Variants in TRDN observed in about 807,000 individuals in gnomAD.
The protein encoded by TRDN is triadin in skeletal muscle.
In TRDN, 161 loss-of-function variants were observed where a neutral mutation model predicts 149.7. The observed-to-expected ratio is 1.08, with a 90% CI of 0.95 to 1.23. The LOEUF is 1.23. Ranked by LOEUF, TRDN falls within the 50% of genes most tolerant of loss-of-function variation. The pLI is 0.00. For synonymous variants in TRDN, 294 were observed against 250.5 expected, an observed-to-expected ratio of 1.17 and a Z score of -1.64; for missense variants, 896 against 823.5, an observed-to-expected ratio of 1.09 and a Z score of -1.08.
intron 24 of TRDN, among the ~76,000 whole-genome samples, chr6:123,289,411 T>C (rs1247078865): frequency 6.6e-6 from 1 of 151,990 alleles, no homozygotes; most frequent in African/African-American, 2.4e-5. Context: ...TAGTAATCTA[T>C]TGTTCTCATG....
At chr6:123,434,814 A>AT in intron 12 of TRDN, among the ~76,000 whole-genome samples, 1 of 151,906 alleles carries the variant, frequency 6.6e-6, no homozygotes, top group South Asian at 2.1e-4. Flanking sequence ...TATTTATTTA[A>AT]TTTTTTGCCA....
At chr6:123,460,616 T>A (rs1776394067) in intron 10 of TRDN, among the ~76,000 whole-genome samples, 1 of 152,062 alleles carries the variant, frequency 6.6e-6, no homozygotes, top group South Asian at 2.1e-4. Flanking sequence ...AAATAAAAAT[T>A]GAGGCCAAAT....
At chr6:123,223,186 A>G (rs1178143080) in intron 39 of TRDN, among the ~76,000 whole-genome samples, 2 of 151,778 alleles carry the variant, frequency 1.3e-5, no homozygotes, top group African/African-American at 4.8e-5. Context: ...CTAATGCAGG[A>G]ACAGAAATCC....
intron 1 of TRDN, among the ~76,000 whole-genome samples, chr6:123,626,902 T>TAA (rs35863079): frequency 1.3e-5 from 2 of 151,234 alleles, no homozygotes; most frequent in African/African-American, 4.9e-5. Context: ...ATGTTTTTTT[T>TAA]AATTTTTTAT....
At chr6:123,310,559 T>C (rs1186720529) in intron 24 of TRDN, among the ~76,000 whole-genome samples, 4 of 151,894 alleles carry the variant, frequency 2.6e-5, no homozygotes, top group African/African-American at 9.7e-5. Flanking sequence ...GAAGAAAAAA[T>C]GAAGTCATTA....
intron 1 of TRDN, among the ~76,000 whole-genome samples, chr6:123,601,550 C>A (rs887639215): frequency 2.0e-5 from 3 of 152,080 alleles, no homozygotes; most frequent in African/African-American, 4.8e-5. Flanking sequence ...CTCCACATGC[C>A]CCATTGGTGC....
At chr6:123,388,685 T>C in intron 13 of TRDN, 134 bp from the exon 14 acceptor site, 9 of 922,110 alleles carry the variant, frequency 9.8e-6, no homozygotes, top group Non-Finnish European at 1.5e-5. Flanking sequence ...TCCAAATCTA[T>C]GATAGGAGTG....
intron 24 of TRDN, among the ~76,000 whole-genome samples, chr6:123,297,956 C>T (rs909462497): frequency 1.3e-4 from 20 of 152,004 alleles, no homozygotes; most frequent in Non-Finnish European, 2.9e-4. Context: ...CTCTTCCAAC[C>T]AGAAGGTTAG....
At chr6:123,530,367 CTG>C (rs1583196884) in intron 5 of TRDN, 137 bp downstream of exon 5, 4 of 166,340 alleles carry the variant, frequency 2.4e-5, no homozygotes, top group Admixed American at 1.4e-4. Flanking sequence ...ACATTTATAA[CTG>C]AAATTAACTG....
At position 123,603,617 on chromosome 6, in the gene TRDN, T is replaced by C. The variant is rs574690448; in HGVS notation, c.23-32485A>G. ...TTACTATGTTCCAGACATTGTTTCATGTTATGATAATGAAAAAGACGGACC... is the reference window on the plus strand; with the variant it reads ...TTACTATGTTCCAGACATTGTTTCACGTTATGATAATGAAAAAGACGGACC... On this transcript the variant is annotated intron_variant, in intron 1 of 40. Transcript: ENST00000334268. Among the ~76,000 whole-genome samples, 4 of 152,286 alleles carry C rather than the reference T, an allele frequency of 2.6e-5. No homozygotes were observed. The South Asian group carries it at 8.3e-4, about 32-fold the overall frequency.
intron 9 of TRDN, among the ~76,000 whole-genome samples, chr6:123,476,283 A>G (rs1170477574): frequency 2.4e-5 from 1 of 42,384 alleles, no homozygotes; most frequent in African/African-American, 8.6e-5. Context: ...ACAGAGAGCC[A>G]AATCATGAGT....
At chr6:123,426,344 T>C (rs1774118469) in intron 12 of TRDN, among the ~76,000 whole-genome samples, 1 of 152,142 alleles carries the variant, frequency 6.6e-6, no homozygotes, top group South Asian at 2.1e-4. Context: ...GAGTGAACTA[T>C]TAGGATTCTA....
chr6:123,539,814 T>C (rs904024726), intron 4 of TRDN, among the ~76,000 whole-genome samples: 2 of 152,206 alleles, frequency 1.3e-5, no homozygotes, highest in Non-Finnish European at 2.9e-5. Context: ...TTTGACTGTC[T>C]AACTCACTGG....
At chr6:123,445,311 A>G (rs1174056165) in intron 10 of TRDN, 1 of 150,544 alleles carries the variant, frequency 6.6e-6, no homozygotes, top group Non-Finnish European at 1.5e-5. Flanking sequence ...ATTACCATTC[A>G]GGACATAGGC....
At chr6:123,562,837 C>T (rs1264404921) in intron 2 of TRDN, among the ~76,000 whole-genome samples, 2 of 152,182 alleles carry the variant, frequency 1.3e-5, no homozygotes, top group Non-Finnish European at 2.9e-5. Context: ...TTTAAAAGCA[C>T]TTTTGGTGAG....
At position 123,311,928 on chromosome 6, in the gene TRDN, T is replaced by C. The variant is rs1204840908; in HGVS notation, c.1510+4529A>G. On this transcript the variant is annotated intron_variant, in intron 24 of 40. Transcript: ENST00000334268. ...AGGTGGGAGGTGAAGGATTTCAACATTCAGGTCTTGGAGAAATTAAAGCAC... is the reference window on the plus strand; with the variant it reads ...AGGTGGGAGGTGAAGGATTTCAACACTCAGGTCTTGGAGAAATTAAAGCAC... Among the ~76,000 whole-genome samples, 14 of 152,062 alleles carry C rather than the reference T, an allele frequency of 9.2e-5. No individual in the cohort carries two copies. The South Asian group carries it at 2.9e-3, about 32-fold the overall frequency.
intron 35 of TRDN, among the ~76,000 whole-genome samples, chr6:123,257,569 G>T (rs910907704): frequency 1.1e-4 from 17 of 152,164 alleles, no homozygotes; most frequent in African/African-American, 4.1e-4. Context: ...TTTGGAGTCA[G>T]GTAGTGTGAT....
intron 38 of TRDN, among the ~76,000 whole-genome samples, chr6:123,242,437 ATTAT>A (rs1201801457): frequency 6.6e-6 from 1 of 152,136 alleles, no homozygotes; most frequent in Non-Finnish European, 1.5e-5. Context: ...TGAGAAGCAC[ATTAT>A]TTATCATATA....
chr6:123,434,710 A>G (rs898617983), intron 12 of TRDN, among the ~76,000 whole-genome samples: 1 of 152,052 alleles, frequency 6.6e-6, no homozygotes, highest in African/African-American at 2.4e-5. Context: ...TGCTTTTTTC[A>G]TGGTATTTCT....
Sources: gnomAD v4.1 joint callset for allele counts (sites outside exome capture counted in the v4.1 genomes callset) on GRCh38, gnomAD v4.1.1 for gene constraint, MANE v1.5 for transcripts, NCBI Gene and HGNC (gene_info 2026-07-23, HGNC 2026-07-21) for gene names.